The following HKDC1 variants were observed in gnomAD, a reference collection of about 807,000 sequenced individuals.
HKDC1 encodes the protein hexokinase HKDC1.
A neutral mutation model predicts 96.6 loss-of-function variants in HKDC1; 66 were observed. That is an observed-to-expected ratio of 0.68 (90% CI 0.56 to 0.84). The LOEUF (loss-of-function observed/expected upper bound fraction) is 0.84. Among genes scored for constraint, HKDC1 ranks in the 40% least tolerant of loss-of-function variants. The probability of loss-of-function intolerance (pLI) is 0.00; values close to 1 mark genes in which losing one functional copy is unlikely to be tolerated. For synonymous variants in HKDC1, 466 were observed against 473.1 expected (o/e 0.98, Z 0.20); for missense variants, 1,211 against 1,208.1 (o/e 1.00, Z -0.04).
chr10:69,243,337 C>A lies in HKDC1; in HGVS notation c.847C>A (p.Leu283Ile). 1 of 1,600,928 alleles carries A rather than the reference C, an allele frequency of 6.2e-7. No individual in the cohort carries two copies. Among genetic ancestry groups the A allele is most frequent in the South Asian group, 1.1e-5 (1 of 88,916 alleles). ...CACTGAGTTCGACAGGGAGCTGGAC[C>A]TCGGCTCTCTCAACCCAGGAAAGCA... is the stretch of plus-strand genomic sequence containing the variant. Reference protein sequence around the residue: ...IRTEFDRELDLGSLNPGKQLF... With the variant: ...IRTEFDRELDIGSLNPGKQLF... Residue 283 changes from leucine (L) to isoleucine (I), a missense_variant, in exon 7 of 18, where the codon CTC becomes ATC. Physicochemically the swap from Leu to Ile is conservative, Grantham distance 5. Coordinates refer to ENST00000354624, the MANE Select transcript of HKDC1 (RefSeq NM_025130.4).
At chr10:69,266,163 A>G (rs566215104) in intron 17 of HKDC1, among the ~76,000 whole-genome samples, 17 of 152,354 alleles carry the variant, frequency 1.1e-4, no homozygotes, top group Admixed American at 9.1e-4. Context: ...GGCTCAAGAA[A>G]TGTAAGTTGG....
At position 69,267,321 on chromosome 10, in the gene HKDC1, G is replaced by T. The variant is rs1564739831; in HGVS notation, c.*564G>T. 1 of 361,632 alleles carries T rather than the reference G, an allele frequency of 2.8e-6. No homozygotes were observed. Among genetic ancestry groups the T allele is most frequent in the Admixed American group, 3.8e-5 (1 of 26,650 alleles). 22.4% of individuals were successfully genotyped at this position (361,632 alleles called of 1,614,324 possible). Reference sequence around the variant, plus strand: ...GTATCCAGCCCCAGGGTGCAGAGAGGTTGATTGCCAGGGAGCACTGCAGGA... The same window carrying T: ...GTATCCAGCCCCAGGGTGCAGAGAGTTTGATTGCCAGGGAGCACTGCAGGA... On this transcript the variant is annotated 3_prime_UTR_variant, in exon 18 of 18. Transcript: ENST00000354624.
At position 69,245,969 on chromosome 10, in the gene HKDC1, T is replaced by C. The variant is rs367624769; in HGVS notation, c.876-110T>C. The C allele has an allele frequency of 6.6e-6, 9 of 1,355,436 alleles. No homozygotes were observed. The African/African-American group carries it at 7.2e-5, about 11-fold the overall frequency. The allele number at this position is 1,355,436 out of a possible 1,614,324, so 84.0% of individuals were successfully genotyped here. On this transcript the variant is annotated intron_variant, in intron 7 of 17. Coordinates refer to ENST00000354624, the MANE Select transcript of HKDC1 (RefSeq NM_025130.4). ...TTTGCGAGAAGGAGGGAATCTTAGC[T>C]CAGCCCTCTCCCATGTGCTCCTTCC...
In HKDC1 at chr10:69,265,742, A is replaced by G; in HGVS notation, c.2530A>G (p.Arg844Gly). The G allele has an allele frequency of 1.9e-6, 3 of 1,613,224 alleles. No homozygotes were observed. Among genetic ancestry groups the G allele is most frequent in the Non-Finnish European group, 2.5e-6 (3 of 1,179,676 alleles). ...GAGLAAIVEK[R>G]REDQGLEHLR... Reference sequence around the variant, plus strand: ...TGGCCTGGCCGCTATAGTGGAAAAAAGGAGAGAAGACCAGGGGCTAGAGCA... The same window carrying G: ...TGGCCTGGCCGCTATAGTGGAAAAAGGGAGAGAAGACCAGGGGCTAGAGCA... Residue 844 changes from arginine (R) to glycine (G), a missense_variant, in exon 17 of 18, where the codon AGG becomes GGG. Transcript: ENST00000354624.
At chr10:69,251,457 T>C (rs1843642591) in intron 12 of HKDC1, among the ~76,000 whole-genome samples, 1 of 152,198 alleles carries the variant, frequency 6.6e-6, no homozygotes, top group South Asian at 2.1e-4. Flanking sequence ...AAGATTGTTT[T>C]GGCTATTCGG....
chr10:69,242,507 G>A (rs10998666), intron 6 of HKDC1, among the ~76,000 whole-genome samples: 1 of 148,808 alleles, frequency 6.7e-6, no homozygotes, highest in African/African-American at 2.5e-5. Context: ...TTAGGTATAC[G>A]ATTCAATGAT....
At chr10:69,234,953 A>G (rs10998658) in intron 4 of HKDC1, among the ~76,000 whole-genome samples, 2,238 of 152,358 alleles carry the variant, frequency 0.015, 74 homozygotes, top group East Asian at 0.14. Flanking sequence ...GAAAGGACTG[A>G]GAAAAATAAT....
intron 4 of HKDC1, among the ~76,000 whole-genome samples, chr10:69,238,363 A>ATTTTTTTTTTTTTTTTT (rs1843395795): frequency 4.6e-5 from 1 of 21,566 alleles, no homozygotes; most frequent in African/African-American, 1.4e-4. Flanking sequence ...TACACCAGGT[A>ATTTTTTTTTTTTTTTTT]TTTTCTTTTT....
chr10:69,251,330 A>G (rs1334290343), intron 12 of HKDC1, among the ~76,000 whole-genome samples: 1 of 152,064 alleles, frequency 6.6e-6, no homozygotes, highest in Non-Finnish European at 1.5e-5. Flanking sequence ...TCCTGACCTC[A>G]GGTGATCTAC....
In HKDC1 at chr10:69,246,075, G is replaced by T. The variant is rs748694858; in HGVS notation, c.876-4G>T. ...CGTCCACAGATCTGTTCACCAACCT[G>T]CAGGTTCGAGAAGATGATCAGTGGC... On this transcript the variant is annotated splice_region_variant and splice_polypyrimidine_tract_variant and intron_variant, in intron 7 of 17. Transcript: ENST00000354624. The T allele has an allele frequency of 2.5e-6, 4 of 1,613,738 alleles. No homozygotes were observed. Among genetic ancestry groups the T allele is most frequent in the African/African-American group, 1.3e-5 (1 of 74,924 alleles).
At chr10:69,245,186 G>A (rs1379613815) in intron 7 of HKDC1, among the ~76,000 whole-genome samples, 1 of 152,198 alleles carries the variant, frequency 6.6e-6, no homozygotes, top group Non-Finnish European at 1.5e-5. Flanking sequence ...ACAGGCATGA[G>A]TCACTGTACC....
intron 8 of HKDC1, 117 bp from the exon 9 acceptor site, chr10:69,247,243 A>C (rs191007011): frequency 2.9e-6 from 2 of 683,048 alleles, no homozygotes; most frequent in East Asian, 5.2e-5. Context: ...TTTTTATTCT[A>C]TACCATGGAC....
Position 69,248,358 on chromosome 10 carries a change from C to A in HKDC1, c.1266-66C>A. On this transcript the variant is annotated intron_variant, in intron 9 of 17. Coordinates refer to ENST00000354624, the MANE Select transcript of HKDC1 (RefSeq NM_025130.4). Reference sequence around the variant, plus strand: ...CCTCCGGGACTGGGTTTACTGCTGCCCCTGGGTCTGTGCCTGAGCCTGGCC... The same window carrying A: ...CCTCCGGGACTGGGTTTACTGCTGCACCTGGGTCTGTGCCTGAGCCTGGCC... 2.0e-6 allele frequency: 3 copies of A among 1,484,882 alleles called. No homozygotes were observed. In the South Asian group the frequency reaches 4.0e-5, roughly 20 times the overall value. 92.0% of individuals were successfully genotyped at this position (1,484,882 alleles called of 1,614,324 possible). A position where few individuals can be genotyped will look rare whatever the true frequency, so the allele number is the denominator to read the frequency against.
intron 10 of HKDC1, among the ~76,000 whole-genome samples, chr10:69,249,657 G>A (rs1041754344): frequency 2.0e-5 from 3 of 152,084 alleles, no homozygotes; most frequent in Non-Finnish European, 4.4e-5. Context: ...CACCACACCC[G>A]GATAATTAAT....
intron 1 of HKDC1, among the ~76,000 whole-genome samples, chr10:69,224,082 C>T (rs1257175944): frequency 6.6e-6 from 1 of 150,434 alleles, no homozygotes; most frequent in African/African-American, 2.4e-5. Flanking sequence ...GTGGCACATG[C>T]CTGTAGTCCC....
intron 1 of HKDC1, among the ~76,000 whole-genome samples, chr10:69,222,109 C>T (rs1489194425): frequency 6.6e-6 from 1 of 152,124 alleles, no homozygotes; most frequent in Non-Finnish European, 1.5e-5. Context: ...GTAATCCCAA[C>T]TACTCAGAAG....
At chr10:69,256,849 T>C (rs979707225) in intron 12 of HKDC1, among the ~76,000 whole-genome samples, 187 bp from the exon 13 acceptor site, 8 of 152,158 alleles carry the variant, frequency 5.3e-5, no homozygotes, top group African/African-American at 1.9e-4. Context: ...GTGATAGACC[T>C]TGTCTGAGTG....
At chr10:69,239,599 G>C (rs142457955) in intron 5 of HKDC1, among the ~76,000 whole-genome samples, 3 of 152,116 alleles carry the variant, frequency 2.0e-5, no homozygotes, top group African/African-American at 7.2e-5. Context: ...AAACTACTGC[G>C]AAAGCAAGAC....
At chr10:69,250,752 G>C (rs1312999664) in intron 12 of HKDC1, 100 bp downstream of exon 12, 20 of 1,362,968 alleles carry the variant, frequency 1.5e-5, no homozygotes, top group Non-Finnish European at 2.0e-5. Flanking sequence ...TTTTTACAGG[G>C]ATCTTGGGTT....
Sources: gnomAD v4.1 joint callset for allele counts (sites outside exome capture counted in the v4.1 genomes callset) on GRCh38, gnomAD v4.1.1 for gene constraint, MANE v1.5 for transcripts, NCBI Gene and HGNC (gene_info 2026-07-23, HGNC 2026-07-21) for gene names.